Variants in NWD2 observed in about 807,000 individuals in gnomAD.
NWD2 encodes NACHT and WD repeat domain-containing protein 2.
Under a neutral mutation model 132.7 loss-of-function variants are expected in NWD2, and 37 were observed. That is an observed-to-expected ratio of 0.28 (90% CI 0.21 to 0.37). NWD2 has a LOEUF of 0.37. Among genes scored for constraint, NWD2 ranks in the 10% least tolerant of loss-of-function variants. The pLI is 1.00. For missense variants in NWD2, 1,592 were observed against 2,122.4 expected (o/e 0.75, Z 4.91); for synonymous variants, 705 against 803.0 (o/e 0.88, Z 2.06).
At chr4:37,364,979 G>A (rs1238611653) in intron 3 of NWD2, among the ~76,000 whole-genome samples, 4 of 152,178 alleles carry the variant, frequency 2.6e-5, no homozygotes, top group Non-Finnish European at 5.9e-5. Flanking sequence ...GACAAAGTGT[G>A]TAGCTGTAAC....
chr4:37,253,374 C>T (rs1032725397), intron 1 of NWD2, among the ~76,000 whole-genome samples: 7 of 152,118 alleles, frequency 4.6e-5, no homozygotes, highest in Non-Finnish European at 2.9e-5. Flanking sequence ...GGTGGTGGAC[C>T]TCCAGAGACC....
chr4:37,390,594 T>C (rs1389527964), intron 3 of NWD2, among the ~76,000 whole-genome samples: 2 of 152,188 alleles, frequency 1.3e-5, no homozygotes, highest in Non-Finnish European at 2.9e-5. Context: ...GGCATCATGA[T>C]GTTTAAAACC....
chr4:37,391,952 C>A (rs1367585364), intron 3 of NWD2, among the ~76,000 whole-genome samples: 4 of 152,154 alleles, frequency 2.6e-5, no homozygotes, highest in Admixed American at 6.5e-5. Context: ...GCCTGTCATC[C>A]CAGCACTTTG....
At chr4:37,437,596 A>G (rs115567187) in intron 5 of NWD2, among the ~76,000 whole-genome samples, 32 of 152,340 alleles carry the variant, frequency 2.1e-4, no homozygotes, top group Non-Finnish European at 4.0e-4. Flanking sequence ...AAGGTGTTCA[A>G]TGAAGAGCAA....
At position 37,447,273 on chromosome 4, in the gene NWD2, A is replaced by G. The variant is rs1259390769; in HGVS notation, c.*56A>G. On this transcript the variant is annotated 3_prime_UTR_variant, in exon 7 of 7. Coordinates refer to ENST00000309447, the MANE Select transcript of NWD2 (RefSeq NM_001144990.2). ...TGATCCACGTACAGAAGGGAAAAAA[A>G]TGTGCCCCAAATGATAAACTATTCA... 3.9e-6 allele frequency: 5 copies of G among 1,287,844 alleles called. No individual in the cohort carries two copies. The highest frequency in any genetic ancestry group is 5.3e-6 in the Non-Finnish European group (5 of 939,228). The allele number at this position is 1,287,844 out of a possible 1,614,324, so 79.8% of individuals were successfully genotyped here.
In NWD2 at chr4:37,444,595, G is replaced by T. The variant is rs1259318195; in HGVS notation, c.2607G>T (p.Gln869His). ...SWLYTMIKIG[Q>H]FDKVLSDIEL... ...TTTATACCATGATCAAAATTGGCCA[G>T]TTTGACAAAGTGCTTTCAGACATTG... The change falls in exon 7 of 7, where the codon CAG becomes CAT. Residue 869 changes from glutamine to histidine, a missense_variant. Around this residue, in one of 7 missense-constraint regions of NWD2, gnomAD observed 1,071 missense variants for 1,398.0 expected, o/e 0.77. Transcript: ENST00000309447. The surrounding 1 kb of genome is among the most constrained non-coding windows in gnomAD (Gnocchi z 4.8). The T allele has an allele frequency of 1.9e-6, 3 of 1,551,902 alleles. No individual in the cohort carries two copies. In the African/African-American group the frequency reaches 4.1e-5, roughly 21 times the overall value.
chr4:37,348,675 T>TACACACACACACACACACAC (rs1172614596), intron 2 of NWD2, among the ~76,000 whole-genome samples: 1 of 22,570 alleles, frequency 4.4e-5, no homozygotes, highest in Admixed American at 8.1e-4. Flanking sequence ...TATATATATA[T>TACACACACACACACACACAC]ACACACACAC....
chr4:37,439,305 G>A lies in NWD2; in HGVS notation c.1211G>A (p.Ser404Asn). 6.4e-7 allele frequency: 1 copy of A among 1,550,498 alleles called. No individual in the cohort carries two copies. Among genetic ancestry groups the A allele is most frequent in the South Asian group, 1.2e-5 (1 of 83,844 alleles). Residue 404 changes from serine (S) to asparagine (N), a missense_variant, in exon 6 of 7, where the codon AGC becomes AAC. Coordinates refer to ENST00000309447, the MANE Select transcript of NWD2 (RefSeq NM_001144990.2). The surrounding 1 kb of genome is among the most constrained non-coding windows in gnomAD (Gnocchi z 4.5). ...ATAGTGCATAACTACATTCTTCCAAGCAAAGCTGGACACATCAACCCTCTT... is the reference window on the plus strand; with the variant it reads ...ATAGTGCATAACTACATTCTTCCAAACAAAGCTGGACACATCAACCCTCTT... ...LNIVHNYILP[S>N]KAGHINPLII...
chr4:37,443,835 C>G lies in NWD2; in HGVS notation c.1847C>G (p.Thr616Ser), dbSNP rs1203592515. The G allele has an allele frequency of 6.4e-7, 1 of 1,552,038 alleles. No individual in the cohort carries two copies. Among genetic ancestry groups the G allele is most frequent in the Non-Finnish European group, 8.7e-7 (1 of 1,147,100 alleles). ...KCTLPMFVNL[T>S]FREVRHWRSH... ...ACACTGCCAATGTTTGTGAACCTGA[C>G]CTTCAGGGAGGTGAGGCACTGGAGA... The change falls in exon 7 of 7, where the codon ACC becomes AGC. Residue 616 changes from threonine to serine, a missense_variant. Physicochemically the swap from Thr to Ser is moderately conservative, Grantham distance 58. This residue lies in a region of NWD2 where 1,071 missense variants were observed against 1,398.0 expected (regional missense o/e 0.77). Transcript: ENST00000309447. This position sits in a 1 kb window ranked among gnomAD's most constrained non-coding sequence, Gnocchi z 4.1.
intron 3 of NWD2, among the ~76,000 whole-genome samples, chr4:37,428,250 G>A (rs1361388374): frequency 6.6e-6 from 1 of 152,170 alleles, no homozygotes; most frequent in African/African-American, 2.4e-5. Context: ...GCCCCCTAGG[G>A]AAACCAGACC....
chr4:37,307,457 C>T (rs1329376921), intron 1 of NWD2, among the ~76,000 whole-genome samples: 1 of 152,126 alleles, frequency 6.6e-6, no homozygotes, highest in Non-Finnish European at 1.5e-5. Context: ...TCATCCCATT[C>T]TCTCCATGCC....
At chr4:37,341,044 G>C (rs1023824644) in intron 2 of NWD2, among the ~76,000 whole-genome samples, 7 of 152,174 alleles carry the variant, frequency 4.6e-5, no homozygotes, top group African/African-American at 1.7e-4. Context: ...TCCTCAACCA[G>C]ACGATGGTTT....
chr4:37,310,200 C>T (rs1310395004), intron 1 of NWD2, among the ~76,000 whole-genome samples: 1 of 152,190 alleles, frequency 6.6e-6, no homozygotes, highest in Non-Finnish European at 1.5e-5. Context: ...CCTCAGATCT[C>T]TTATTTTCCA....
Position 37,332,601 on chromosome 4 carries a change from G to T in NWD2, c.240+6577G>T, listed in dbSNP as rs138707163. Among the ~76,000 whole-genome samples, 66 of 152,250 alleles carry T rather than the reference G, an allele frequency of 4.3e-4. No homozygotes were observed. In the East Asian group the frequency reaches 0.011, roughly 24 times the overall value. ...CAGCAGTAATACCCAGGCATTACTC[G>T]CCATGGGCCTTGGGTGACATTCAGA... On this transcript the variant is annotated intron_variant, in intron 2 of 6. Coordinates refer to ENST00000309447, the MANE Select transcript of NWD2 (RefSeq NM_001144990.2).
chr4:37,342,472 G>C (rs1300149179), intron 2 of NWD2, among the ~76,000 whole-genome samples: 1 of 152,152 alleles, frequency 6.6e-6, no homozygotes, highest in East Asian at 1.9e-4. Flanking sequence ...ACACAGAACA[G>C]ACTGACAAAG....
intron 1 of NWD2, among the ~76,000 whole-genome samples, chr4:37,255,874 A>G (rs1184677535): frequency 6.6e-6 from 1 of 152,216 alleles, no homozygotes; most frequent in East Asian, 1.9e-4. Flanking sequence ...GGGACCAGCC[A>G]CCACTACAGG....
intron 3 of NWD2, among the ~76,000 whole-genome samples, chr4:37,428,325 G>A (rs933967064): frequency 9.2e-5 from 14 of 152,154 alleles, no homozygotes; most frequent in African/African-American, 3.4e-4. Context: ...ATCAACAAGA[G>A]GAAAGAAGAA....
chr4:37,445,225 A>G lies in NWD2; in HGVS notation c.3237A>G (p.Lys1079=), dbSNP rs939667771. 72 of 1,551,778 alleles carry G rather than the reference A, an allele frequency of 4.6e-5. No homozygotes were observed. The highest frequency in any genetic ancestry group is 5.8e-5 in the Non-Finnish European group (67 of 1,147,034). Residue 1079 remains lysine (K), a synonymous_variant, in exon 7 of 7, where the codon AAA becomes AAG. Transcript: ENST00000309447. This position sits in a 1 kb window ranked among gnomAD's most constrained non-coding sequence, Gnocchi z 4.7. The part of the protein sequence containing the change: ...NHALAWLEAS[K]DVTVIDLLYG... Reference sequence around the variant, plus strand: ...CCCTTGCATGGCTCGAAGCCAGCAAAGATGTCACTGTCATCGATCTGCTGT... The same window carrying G: ...CCCTTGCATGGCTCGAAGCCAGCAAGGATGTCACTGTCATCGATCTGCTGT...
intron 1 of NWD2, among the ~76,000 whole-genome samples, chr4:37,291,074 T>C (rs887113705): frequency 6.6e-6 from 1 of 152,194 alleles, no homozygotes; most frequent in African/African-American, 2.4e-5. Flanking sequence ...AAGTCAACCT[T>C]TTCCTTCAGA....
Sources: gnomAD v4.1 joint callset for allele counts (sites outside exome capture counted in the v4.1 genomes callset) on GRCh38, gnomAD v4.1.1 for gene constraint, gnomAD v4.1.1 regional missense constraint, Gnocchi (gnomAD v3.1) non-coding constraint, MANE v1.5 for transcripts, NCBI Gene and HGNC (gene_info 2026-07-23, HGNC 2026-07-21) for gene names.